KHDC1: variants seen among roughly 807,000 people sequenced by gnomAD.
KHDC1 encodes KH homology domain-containing protein 1.
A neutral mutation model predicts 24.7 loss-of-function variants in KHDC1; 21 were observed. The ratio of observed to expected loss-of-function variants is 0.85; its 90% confidence interval spans 0.60 to 1.23. The LOEUF is 1.23. KHDC1 is among the 50% of genes most tolerant of loss of function. The pLI is 0.00. For missense variants in KHDC1, 274 were observed against 298.5 expected, an observed-to-expected ratio of 0.92 and a Z score of 0.61; for synonymous variants, 98 against 111.7, an observed-to-expected ratio of 0.88 and a Z score of 0.77.
At chr6:73,306,534 G>T (rs1056231470) in intron 1 of KHDC1, among the ~76,000 whole-genome samples, 3 of 152,106 alleles carry the variant, frequency 2.0e-5, no homozygotes, top group African/African-American at 7.2e-5. Context: ...TCCTGCAACT[G>T]AACTGCTTGT....
In KHDC1 at chr6:73,256,137, C is replaced by T. The variant is rs143388368; in HGVS notation, c.207-13607G>A. ...CTTAGGCCTAGTAATTTCGAATGTG[C>T]TTCACTCCTTTACAGGTCCTTTTTT... On this transcript the variant is annotated intron_variant, in intron 2 of 4. Transcript: ENST00000370384. 5.1e-3 allele frequency among the ~76,000 whole-genome samples: 770 copies of T among 152,214 alleles called. 6 individuals are homozygous for T. Among genetic ancestry groups the T allele is most frequent in the African/African-American group, 0.018 (729 of 41,534 alleles).
chr6:73,242,930 T>C (rs1009757344), intron 2 of KHDC1, among the ~76,000 whole-genome samples: 1 of 151,944 alleles, frequency 6.6e-6, no homozygotes, highest in Non-Finnish European at 1.5e-5. Flanking sequence ...ATGACCAGAG[T>C]GTATTCCAAC....
intron 2 of KHDC1, among the ~76,000 whole-genome samples, chr6:73,255,535 TC>T (rs1027012562): frequency 6.7e-6 from 1 of 150,312 alleles, no homozygotes; most frequent in African/African-American, 2.4e-5. Flanking sequence ...TTTTTTTTTT[TC>T]CAACCAGTTT....
exon 5 of KHDC1, chr6:73,241,689 G>A: frequency 1.9e-6 from 3 of 1,614,144 alleles, no homozygotes; most frequent in Non-Finnish European, 2.5e-6. Context: ...GTCATCGTTG[G>A]TCAGAGGCTG....
intron 1 of KHDC1, chr6:73,292,166 G>A (rs1025331715): frequency 3.1e-5 from 47 of 1,540,448 alleles, no homozygotes; most frequent in Non-Finnish European, 4.0e-5. Flanking sequence ...TATTCCTCAT[G>A]CTTTGAAAGA....
intron 2 of KHDC1, among the ~76,000 whole-genome samples, chr6:73,251,799 CT>C (rs754294241): frequency 1.7e-3 from 214 of 123,958 alleles, no homozygotes; most frequent in Admixed American, 1.9e-3. Context: ...CTTTTCTTTT[CT>C]TTTTTTTTTT....
At chr6:73,268,407 TGCAAAGA>T (rs200540382) in intron 2 of KHDC1, 6,404 of 153,390 alleles carry the variant, frequency 0.042, 145 homozygotes, top group Middle Eastern at 0.077. Context: ...CAAGATTTAT[TGCAAAGA>T]GCAAAGAACA....
At chr6:73,280,207 A>C (rs1767377788) in intron 2 of KHDC1, among the ~76,000 whole-genome samples, 1 of 152,180 alleles carries the variant, frequency 6.6e-6, no homozygotes, top group Admixed American at 6.5e-5. Context: ...CCCAGGTTGG[A>C]GTGCAATGGC....
intron 1 of KHDC1, chr6:73,292,185 C>T: frequency 6.6e-7 from 1 of 1,508,834 alleles, no homozygotes; most frequent in Admixed American, 1.7e-5. Context: ...GAGAATAGAA[C>T]CACAGTTGTT....
At chr6:73,259,530 G>T (rs1766941357) in intron 2 of KHDC1, among the ~76,000 whole-genome samples, 1 of 152,044 alleles carries the variant, frequency 6.6e-6, no homozygotes, top group Non-Finnish European at 1.5e-5. Context: ...TCCTTGAGAG[G>T]ACCAGATTTG....
chr6:73,289,946 A>G (rs1767609928), intron 2 of KHDC1, among the ~76,000 whole-genome samples: 1 of 147,954 alleles, frequency 6.8e-6, no homozygotes. Flanking sequence ...TAAAAATACA[A>G]CAAATTAGCC....
At chr6:73,282,776 T>C (rs1031872387) in intron 2 of KHDC1, among the ~76,000 whole-genome samples, 1 of 152,072 alleles carries the variant, frequency 6.6e-6, no homozygotes, top group African/African-American at 2.4e-5. Context: ...GAGGCTTTAA[T>C]TCCCTATGAT....
chr6:73,281,736 T>C (rs1176783965), intron 2 of KHDC1, among the ~76,000 whole-genome samples: 1 of 152,056 alleles, frequency 6.6e-6, no homozygotes, highest in Non-Finnish European at 1.5e-5. Context: ...TTAAAGCCCA[T>C]ACTTTATTCT....
chr6:73,290,954 CTG>C lies in KHDC1; in HGVS notation c.206+1042_206+1043del, dbSNP rs753447318. 5.5e-4 allele frequency: 192 copies of C among 350,974 alleles called. 3 individuals carry two copies. The highest frequency in any genetic ancestry group is 9.5e-4 in the Non-Finnish European group (171 of 179,396). 21.7% of individuals were successfully genotyped at this position (350,974 alleles called of 1,614,324 possible). Reference sequence around the variant, plus strand: ...GTAGTGGATGCTGGCCCAGGAAGCTCTGTGCATGTGTTGCACCATCTCCCATG... The same window carrying C: ...GTAGTGGATGCTGGCCCAGGAAGCTCTGCATGTGTTGCACCATCTCCCATG... On this transcript the variant is annotated intron_variant, in intron 2 of 4. Coordinates refer to ENST00000370384, the Ensembl canonical transcript of KHDC1.
intron 2 of KHDC1, among the ~76,000 whole-genome samples, chr6:73,247,453 T>G (rs1429297364): frequency 6.6e-6 from 1 of 152,230 alleles, no homozygotes; most frequent in Non-Finnish European, 1.5e-5. Context: ...CTCCTGCAGC[T>G]GTGGCAGCAG....
chr6:73,251,074 G>A (rs763544367), intron 2 of KHDC1, among the ~76,000 whole-genome samples: 19 of 152,058 alleles, frequency 1.2e-4, no homozygotes, highest in African/African-American at 4.3e-4. Flanking sequence ...CGATCTGCCC[G>A]CCTCGGCCTC....
intron 2 of KHDC1, among the ~76,000 whole-genome samples, chr6:73,252,715 G>A (rs896381950): frequency 6.6e-6 from 1 of 152,072 alleles, no homozygotes; most frequent in African/African-American, 2.4e-5. Flanking sequence ...TACTCAGGAG[G>A]CTGAGGCTGG....
rs541031375 is a variant in KHDC1 at position 73,287,164 on chromosome 6, G to A, written c.206+4834C>T. On this transcript the variant is annotated intron_variant, in intron 2 of 4. Coordinates refer to ENST00000370384, the Ensembl canonical transcript of KHDC1. The stretch of plus-strand genomic sequence containing the variant: ...TACCAAAGCAATAAGAAATGTTCTA[G>A]TGAGAATGTCACCAACACTGCTAAG... Among the ~76,000 whole-genome samples the A allele has an allele frequency of 3.9e-5, 6 of 152,320 alleles. No homozygotes were observed. The South Asian group carries it at 1.0e-3, about 26-fold the overall frequency.
chr6:73,273,327 C>A (rs1767216384), intron 2 of KHDC1, among the ~76,000 whole-genome samples: 1 of 150,406 alleles, frequency 6.6e-6, no homozygotes, highest in Non-Finnish European at 1.5e-5. Context: ...GCCACAACGC[C>A]CAGCTAATTT....
Sources: allele counts gnomAD v4.1 joint callset (sites outside exome capture counted in the v4.1 genomes callset), GRCh38; gene constraint gnomAD v4.1.1; transcripts MANE v1.5; gene names NCBI Gene and HGNC (gene_info 2026-07-23, HGNC 2026-07-21).